Variants in BNC2 observed in about 807,000 individuals in gnomAD.
The protein encoded by BNC2 is basonuclin zinc finger protein 2, also known as zinc finger protein basonuclin-2.
BNC2 carries 20 observed loss-of-function variants against 76.3 expected under a neutral mutation model. That is an observed-to-expected ratio of 0.26 (90% CI 0.18 to 0.38). The LOEUF (loss-of-function observed/expected upper bound fraction) is 0.38. Among genes scored for constraint, BNC2 ranks in the 10% least tolerant of loss-of-function variants. The pLI, the probability that BNC2 is intolerant of heterozygous loss-of-function variation, is 1.00. For synonymous variants in BNC2, 582 were observed against 514.8 expected, an observed-to-expected ratio of 1.13 and a Z score of -1.77; for missense variants, 1,382 against 1,399.8, an observed-to-expected ratio of 0.99 and a Z score of 0.20.
intron 3 of BNC2, among the ~76,000 whole-genome samples, chr9:16,693,854 C>A (rs1823256527): frequency 6.6e-6 from 1 of 152,202 alleles, no homozygotes; most frequent in Non-Finnish European, 1.5e-5. Context: ...TATGTGGGGA[C>A]AGACATTAAC....
In BNC2 at chr9:16,709,939, A is replaced by G. The variant is rs186240901; in HGVS notation, c.330+17858T>C. Among the ~76,000 whole-genome samples, 71 of 152,278 alleles carry G rather than the reference A, an allele frequency of 4.7e-4. No homozygotes were observed. The East Asian group carries it at 0.01, about 22-fold the overall frequency. On this transcript the variant is annotated intron_variant, in intron 3 of 6. Coordinates refer to ENST00000380672, the MANE Select transcript of BNC2 (RefSeq NM_017637.6). The stretch of plus-strand genomic sequence containing the variant: ...TAGGTATAAAGGAAAAACAAGGCCC[A>G]ATCACGAATAACTTCTAAGATTGCC...
chr9:16,519,504 G>A (rs770018577), intron 5 of BNC2, among the ~76,000 whole-genome samples: 11 of 152,134 alleles, frequency 7.2e-5, no homozygotes, highest in Admixed American at 1.3e-4. Flanking sequence ...TTGTAGTGGC[G>A]AATGAGCCCT....
chr9:16,449,926 T>C (rs1350196729), intron 5 of BNC2, among the ~76,000 whole-genome samples: 3 of 152,126 alleles, frequency 2.0e-5, no homozygotes, highest in African/African-American at 7.2e-5. Context: ...TATGGCATTC[T>C]GGAAGTATTT....
At chr9:16,671,723 C>T (rs1934178114) in intron 3 of BNC2, among the ~76,000 whole-genome samples, 2 of 152,318 alleles carry the variant, frequency 1.3e-5, no homozygotes, top group Middle Eastern at 3.4e-3. Context: ...TTAGTCACCT[C>T]TTTAACCCAG....
At chr9:16,663,430 C>T (rs1822173279) in intron 3 of BNC2, among the ~76,000 whole-genome samples, 1 of 151,988 alleles carries the variant, frequency 6.6e-6, no homozygotes, top group Non-Finnish European at 1.5e-5. Flanking sequence ...GCCTGGCCCA[C>T]TCTGTTTTCA....
chr9:16,592,929 T>C (rs993090769), intron 3 of BNC2, among the ~76,000 whole-genome samples: 1 of 152,110 alleles, frequency 6.6e-6, no homozygotes, highest in Non-Finnish European at 1.5e-5. Context: ...AAACCTAATA[T>C]ATCCATTTAA....
At chr9:16,742,179 TA>T (rs1402788392) in intron 1 of BNC2, among the ~76,000 whole-genome samples, 1 of 152,236 alleles carries the variant, frequency 6.6e-6, no homozygotes, top group Non-Finnish European at 1.5e-5. Flanking sequence ...TCTATGAATT[TA>T]TTTCTGGCTA....
chr9:16,491,461 A>T (rs891156641), intron 5 of BNC2, among the ~76,000 whole-genome samples: 6 of 152,202 alleles, frequency 3.9e-5, no homozygotes, highest in Non-Finnish European at 7.3e-5. Context: ...AAATAATTTT[A>T]AAAAACACAC....
intron 3 of BNC2, among the ~76,000 whole-genome samples, chr9:16,603,135 C>A (rs2133325889): frequency 6.6e-6 from 1 of 152,282 alleles, no homozygotes; most frequent in East Asian, 1.9e-4. Flanking sequence ...TAGGTTAAAT[C>A]TATCAAGAAG....
chr9:16,639,906 A>C (rs1028405514), intron 3 of BNC2, among the ~76,000 whole-genome samples: 1 of 152,072 alleles, frequency 6.6e-6, no homozygotes, highest in Non-Finnish European at 1.5e-5. Context: ...TGGGCAACAG[A>C]GTGAGACCCT....
At chr9:16,440,751 T>C (rs1821109892) in intron 5 of BNC2, among the ~76,000 whole-genome samples, 1 of 152,210 alleles carries the variant, frequency 6.6e-6, no homozygotes, top group Admixed American at 6.5e-5. Flanking sequence ...TTTCAGATTG[T>C]CTTCTAGCGC....
chr9:16,481,460 C>G (rs569184551), intron 5 of BNC2, among the ~76,000 whole-genome samples: 1 of 152,074 alleles, frequency 6.6e-6, no homozygotes, highest in African/African-American at 2.4e-5. Context: ...CTGAAGCCAG[C>G]GAGACCACGA....
intron 3 of BNC2, among the ~76,000 whole-genome samples, chr9:16,615,411 C>T (rs995257930): frequency 3.3e-5 from 5 of 151,996 alleles, no homozygotes; most frequent in African/African-American, 1.2e-4. Flanking sequence ...CTGACATTTC[C>T]CCATCCTTTT....
At chr9:16,603,306 G>A (rs1050863569) in intron 3 of BNC2, among the ~76,000 whole-genome samples, 3 of 152,136 alleles carry the variant, frequency 2.0e-5, no homozygotes, top group African/African-American at 7.2e-5. Context: ...ACAGTGTCAG[G>A]TAGAATGCTA....
At chr9:16,777,700 CAAAAA>C (rs3084426) in intron 1 of BNC2, among the ~76,000 whole-genome samples, 1 of 100,476 alleles carries the variant, frequency 1.0e-5, no homozygotes, top group Non-Finnish European at 1.8e-5. Context: ...GACTCCATCT[CAAAAA>C]AAAAAAAAAA....
chr9:16,761,088 A>AC (rs1356606196), intron 1 of BNC2, among the ~76,000 whole-genome samples: 1 of 151,808 alleles, frequency 6.6e-6, no homozygotes, highest in East Asian at 1.9e-4. Context: ...ACAAAAAAAA[A>AC]AATACAAAAA....
intron 5 of BNC2, among the ~76,000 whole-genome samples, chr9:16,483,747 G>C (rs918034980): frequency 1.3e-5 from 2 of 152,160 alleles, no homozygotes; most frequent in African/African-American, 4.8e-5. Context: ...AAAAGGGAGT[G>C]GGATAAAAGG....
chr9:16,728,752 G>A (rs566687124), intron 2 of BNC2, among the ~76,000 whole-genome samples: 1 of 151,872 alleles, frequency 6.6e-6, no homozygotes, highest in African/African-American at 2.4e-5. Context: ...TTATAACATA[G>A]AAGATGCACA....
intron 3 of BNC2, among the ~76,000 whole-genome samples, chr9:16,622,970 G>A (rs957162767): frequency 6.6e-6 from 1 of 152,046 alleles, no homozygotes; most frequent in African/African-American, 2.4e-5. Flanking sequence ...TGGTTTTATA[G>A]GTTATACTGA....
Sources: allele counts gnomAD v4.1 joint callset (sites outside exome capture counted in the v4.1 genomes callset), GRCh38; gene constraint gnomAD v4.1.1; transcripts MANE v1.5; gene names NCBI Gene and HGNC (gene_info 2026-07-23, HGNC 2026-07-21).